PEMT: variants seen among roughly 807,000 people sequenced by gnomAD.
The protein encoded by PEMT is phosphatidylethanolamine N-methyltransferase, also known as phospholipid methyltransferase.
In PEMT, 23 loss-of-function variants were observed where a neutral mutation model predicts 27.4. That is an observed-to-expected ratio of 0.84 (90% CI 0.60 to 1.19). The LOEUF is 1.19. Ranked by LOEUF, PEMT falls within the 50% of genes most tolerant of loss-of-function variation. PEMT has a pLI of 0.00. For synonymous variants in PEMT, 137 were observed against 139.1 expected (o/e 0.98, Z 0.11); for missense variants, 307 against 310.1 (o/e 0.99, Z 0.07).
chr17:17,510,519 G>A (rs1006044909), intron 4 of PEMT, among the ~76,000 whole-genome samples: 3 of 152,212 alleles, frequency 2.0e-5, no homozygotes, highest in East Asian at 3.9e-4. Flanking sequence ...CTGGGGACAC[G>A]GGGCAGGGCC....
intron 3 of PEMT, among the ~76,000 whole-genome samples, chr17:17,517,398 C>T (rs193195119): frequency 5.9e-5 from 9 of 152,024 alleles, no homozygotes; most frequent in Admixed American, 2.6e-4. Flanking sequence ...TGCCATGGAA[C>T]GCTGCACACG....
intron 1 of PEMT, among the ~76,000 whole-genome samples, chr17:17,589,746 AATGTTGT>A (rs1398193665): frequency 6.6e-6 from 1 of 152,332 alleles, no homozygotes; most frequent in East Asian, 1.9e-4. Context: ...GCAAATATGT[AATGTTGT>A]ATGTTGTATG....
intron 2 of PEMT, among the ~76,000 whole-genome samples, chr17:17,563,485 C>A (rs895887769): frequency 3.9e-5 from 6 of 152,168 alleles, no homozygotes; most frequent in African/African-American, 1.4e-4. Context: ...GCAAGAAGCA[C>A]AGGGTGCCCC....
At chr17:17,544,163 G>A (rs1442838814) in intron 2 of PEMT, among the ~76,000 whole-genome samples, 3 of 152,156 alleles carry the variant, frequency 2.0e-5, no homozygotes, top group African/African-American at 7.2e-5. Context: ...GACAATCCAC[G>A]AGGAAAGAAC....
chr17:17,507,406 C>G (rs1905963044), intron 5 of PEMT: 1 of 601,446 alleles, frequency 1.7e-6, no homozygotes, highest in Non-Finnish European at 3.0e-6. Context: ...CTGGAGGACA[C>G]CTGTGGACCC....
chr17:17,577,011 A>G lies in PEMT; in HGVS notation c.113T>C (p.Met38Thr). The G allele has an allele frequency of 1.2e-6, 2 of 1,613,896 alleles. No individual in the cohort carries two copies. Among genetic ancestry groups the G allele is most frequent in the Non-Finnish European group, 8.5e-7 (1 of 1,179,900 alleles). Reference protein sequence around the residue: ...IDFRQADFCVMTRLLGYVDPL... With the variant: ...IDFRQADFCVTTRLLGYVDPL... ...GTCCACGTAGCCCAGCAGCCGGGTC[A>G]TAACGCAGAAGTCTGCCTGCAGGGA... The change falls in exon 2 of 7, where the codon ATG (methionine) becomes ACG (threonine). Residue 38 changes from methionine (M) to threonine (T), a missense_variant. Coordinates refer to ENST00000255389, the MANE Select transcript of PEMT (RefSeq NM_148172.3).
chr17:17,581,294 G>T (rs956384487), intron 1 of PEMT, among the ~76,000 whole-genome samples: 1 of 152,142 alleles, frequency 6.6e-6, no homozygotes, highest in African/African-American at 2.4e-5. Context: ...GAAAACACAG[G>T]ACCTGTCAGT....
In PEMT at chr17:17,531,507, C is replaced by A. The variant is rs537112453; in HGVS notation, c.205-9112G>T. 3.4e-5 allele frequency among the ~76,000 whole-genome samples: 5 copies of A among 148,230 alleles called. No individual in the cohort carries two copies. In the South Asian group the frequency reaches 8.4e-4, roughly 25 times the overall value. On this transcript the variant is annotated intron_variant, in intron 2 of 6. Transcript: ENST00000255389. Reference sequence around the variant, plus strand: ...TCAAGACAACTCTGAAATAAAAGGACAAAGTGGAACTAACACAACCAGATT... The same window carrying A: ...TCAAGACAACTCTGAAATAAAAGGAAAAAGTGGAACTAACACAACCAGATT...
intron 5 of PEMT, among the ~76,000 whole-genome samples, chr17:17,506,785 C>G (rs910111939): frequency 1.8e-4 from 27 of 152,218 alleles, no homozygotes; most frequent in African/African-American, 6.0e-4. Flanking sequence ...GAGTCCCCAG[C>G]CCCTGGCCAC....
At chr17:17,560,178 A>G (rs1265661654) in intron 2 of PEMT, among the ~76,000 whole-genome samples, 1 of 152,244 alleles carries the variant, frequency 6.6e-6, no homozygotes, top group Non-Finnish European at 1.5e-5. Context: ...GTGAAGGCAG[A>G]CAGGGAGGCC....
intron 2 of PEMT, among the ~76,000 whole-genome samples, chr17:17,525,632 C>T (rs1204528305): frequency 1.3e-5 from 2 of 152,200 alleles, no homozygotes; most frequent in African/African-American, 2.4e-5. Context: ...CCCAACACTC[C>T]GTGACCCTGG....
intron 2 of PEMT, among the ~76,000 whole-genome samples, chr17:17,556,862 G>A (rs1173550128): frequency 6.6e-6 from 1 of 152,204 alleles, no homozygotes; most frequent in East Asian, 1.9e-4. Flanking sequence ...TGCGTCTGCA[G>A]ATGTCGTGGC....
At chr17:17,566,402 C>T (rs1455032349) in intron 2 of PEMT, among the ~76,000 whole-genome samples, 2 of 152,252 alleles carry the variant, frequency 1.3e-5, no homozygotes, top group Admixed American at 1.3e-4. Context: ...CCATGCCTCA[C>T]AGCACCAGGC....
chr17:17,576,625 G>A (rs1382941314), intron 2 of PEMT, among the ~76,000 whole-genome samples: 5 of 152,184 alleles, frequency 3.3e-5, no homozygotes, highest in African/African-American at 9.7e-5. Context: ...TGTGACCAAT[G>A]GCAGCCCCAC....
chr17:17,525,055 C>T (rs939975479), intron 2 of PEMT, among the ~76,000 whole-genome samples: 3 of 151,880 alleles, frequency 2.0e-5, no homozygotes, highest in Non-Finnish European at 2.9e-5. Context: ...TGCAGTGAGC[C>T]GAGATCGCGC....
chr17:17,557,312 GGGCTCCACT>G (rs1910125567), intron 2 of PEMT, among the ~76,000 whole-genome samples: 1 of 152,180 alleles, frequency 6.6e-6, no homozygotes, highest in African/African-American at 2.4e-5. Context: ...ACCCTGTACT[GGGCTCCACT>G]GGCCCTTGTT....
chr17:17,525,177 A>G (rs1907579953), intron 2 of PEMT, among the ~76,000 whole-genome samples: 1 of 152,158 alleles, frequency 6.6e-6, no homozygotes, highest in Non-Finnish European at 1.5e-5. Context: ...CCTCCCATAC[A>G]GCCCCCCTCC....
At chr17:17,562,227 G>A (rs1910534102) in intron 2 of PEMT, among the ~76,000 whole-genome samples, 1 of 152,266 alleles carries the variant, frequency 6.6e-6, no homozygotes, top group Admixed American at 6.5e-5. Flanking sequence ...GCCTTCAGCT[G>A]CTGCTTCTGT....
chr17:17,586,216 A>AAGAAAGAAAG (rs1390670770), intron 1 of PEMT, among the ~76,000 whole-genome samples: 2 of 79,328 alleles, frequency 2.5e-5, no homozygotes, highest in East Asian at 7.6e-4. Context: ...GAAAGAAAGA[A>AAGAAAGAAAG]AAAGAAAGAA....
Sources: gnomAD v4.1 joint callset for allele counts (sites outside exome capture counted in the v4.1 genomes callset) on GRCh38, gnomAD v4.1.1 for gene constraint, MANE v1.5 for transcripts, NCBI Gene and HGNC (gene_info 2026-07-23, HGNC 2026-07-21) for gene names.